The following METTL24 variants were observed in gnomAD, a reference collection of about 807,000 sequenced individuals.
METTL24 encodes the protein methyltransferase like 24.
Under a neutral mutation model 32.7 loss-of-function variants are expected in METTL24, and 29 were observed. That is an observed-to-expected ratio of 0.89 (90% CI 0.66 to 1.21). METTL24 has a LOEUF of 1.21. METTL24 is among the 50% of genes most tolerant of loss of function. The probability of loss-of-function intolerance (pLI) is 0.00; values close to 1 mark genes in which losing one functional copy is unlikely to be tolerated. For synonymous variants in METTL24, 163 were observed against 179.5 expected (o/e 0.91, Z 0.73); for missense variants, 439 against 468.1 (o/e 0.94, Z 0.57).
At chr6:110,277,587 C>G (rs937066649) in intron 4 of METTL24, among the ~76,000 whole-genome samples, 1 of 152,106 alleles carries the variant, frequency 6.6e-6, no homozygotes, top group African/African-American at 2.4e-5. Flanking sequence ...ATGGAAAAGG[C>G]CCTCAAGAAA....
At chr6:110,313,493 C>T (rs1228727108) in intron 3 of METTL24, among the ~76,000 whole-genome samples, 1 of 152,088 alleles carries the variant, frequency 6.6e-6, no homozygotes, top group Admixed American at 6.6e-5. Context: ...AGAAACTTTC[C>T]CCCCAAACAG....
intron 3 of METTL24, among the ~76,000 whole-genome samples, chr6:110,302,580 T>TGTGTATATATACACATATACACACACAC (rs1562230981): frequency 8.5e-6 from 1 of 117,608 alleles, no homozygotes; most frequent in African/African-American, 4.7e-5. Context: ...TACACACACA[T>TGTGTATATATACACATATACACACACAC]ATGTGTATAT....
At chr6:110,285,338 T>C (rs1378815427) in intron 4 of METTL24, among the ~76,000 whole-genome samples, 1 of 152,228 alleles carries the variant, frequency 6.6e-6, no homozygotes, top group African/African-American at 2.4e-5. Flanking sequence ...TGTTTTTAAC[T>C]AAAAACGGGG....
chr6:110,343,691 A>G (rs1398191933), intron 1 of METTL24, among the ~76,000 whole-genome samples: 1 of 152,232 alleles, frequency 6.6e-6, no homozygotes, highest in Non-Finnish European at 1.5e-5. Flanking sequence ...ACAATGGAGC[A>G]GGGGCCTAAG....
intron 1 of METTL24, among the ~76,000 whole-genome samples, chr6:110,349,244 C>T (rs1360773747): frequency 6.6e-6 from 1 of 152,224 alleles, no homozygotes; most frequent in Non-Finnish European, 1.5e-5. Context: ...TGGGACTGAG[C>T]AACTGGCTCT....
intron 4 of METTL24, among the ~76,000 whole-genome samples, chr6:110,263,260 A>G (rs1770784062): frequency 6.6e-6 from 1 of 152,230 alleles, no homozygotes; most frequent in African/African-American, 2.4e-5. Flanking sequence ...CTGATAAGCA[A>G]CTTCAGCAAA....
Position 110,272,014 on chromosome 6 carries a change from GT to G in METTL24, c.787-25755del, listed in dbSNP as rs60100556. ...TTATTATTATTATTTTATTTCAATA[GT>G]TTTTGGGGGTCCAGGTGGTTTTTGG... On this transcript the variant is annotated intron_variant, in intron 4 of 4. Transcript: ENST00000338882. Among the ~76,000 whole-genome samples, 2,975 of 152,092 alleles carry G rather than the reference GT, an allele frequency of 0.02. 305 individuals carry two copies. In the East Asian group the frequency reaches 0.34, roughly 17 times the overall value.
At chr6:110,278,937 G>A (rs1453864074) in intron 4 of METTL24, among the ~76,000 whole-genome samples, 3 of 152,132 alleles carry the variant, frequency 2.0e-5, no homozygotes, top group Admixed American at 6.5e-5. Context: ...TGGGAGGATC[G>A]CTTCAGCCCA....
At chr6:110,297,483 G>A (rs1771440795) in intron 4 of METTL24, among the ~76,000 whole-genome samples, 1 of 152,126 alleles carries the variant, frequency 6.6e-6, no homozygotes, top group Admixed American at 6.5e-5. Context: ...TGGTGCTGGA[G>A]AGGGCTAGGA....
In METTL24 at chr6:110,315,349, A is replaced by G; in HGVS notation, c.550T>C (p.Ser184Pro). ...QIRNKQCRLYSLGLGSDDTHF... is the reference protein window; with the variant it reads ...QIRNKQCRLYPLGLGSDDTHF... The stretch of plus-strand genomic sequence containing the variant: ...GTAAAAAAATGTACTCACCCTAAGG[A>G]GTAGAGGCGGCACTGCTTGTTGCGG... Residue 184 changes from serine (S) to proline (P), a missense_variant, in exon 3 of 5, where the codon TCC becomes CCC. Coordinates refer to ENST00000338882, the MANE Select transcript of METTL24 (RefSeq NM_001123364.3). 6.2e-7 allele frequency: 1 copy of G among 1,614,156 alleles called. No individual in the cohort carries two copies. Among genetic ancestry groups the G allele is most frequent in the Non-Finnish European group, 8.5e-7 (1 of 1,180,026 alleles).
intron 4 of METTL24, among the ~76,000 whole-genome samples, chr6:110,297,362 A>G (rs1771439039): frequency 6.6e-6 from 1 of 152,194 alleles, no homozygotes; most frequent in Non-Finnish European, 1.5e-5. Context: ...TCAAAGTCTT[A>G]TTTTATCCTC....
rs1770798932 is a variant in METTL24 at position 110,263,744 on chromosome 6, A to G, written c.787-17484T>C. Among the ~76,000 whole-genome samples the G allele has an allele frequency of 2.0e-5, 3 of 152,208 alleles. No homozygotes were observed. The South Asian group carries it at 6.2e-4, about 32-fold the overall frequency. On this transcript the variant is annotated intron_variant, in intron 4 of 4. Transcript: ENST00000338882. ...TATACTACAAGGCTACAGTAACCAAAACAGCATGGTACTGGTACCAAAACA... is the reference window on the plus strand; with the variant it reads ...TATACTACAAGGCTACAGTAACCAAGACAGCATGGTACTGGTACCAAAACA...
At position 110,322,842 on chromosome 6, in the gene METTL24, A is replaced by G. The variant is rs762551420; in HGVS notation, c.349T>C (p.Trp117Arg). 1.2e-6 allele frequency: 2 copies of G among 1,613,776 alleles called. No homozygotes were observed. Among genetic ancestry groups the G allele is most frequent in the African/African-American group, 2.7e-5 (2 of 74,926 alleles). ...TCCAGGGACTGAGCAGAGCCTGCCC[A>G]AGGCTGGAGATCTATATGCCACCGG... ...GPRWHIDLQP[W>R]AGSAQSLDEE... Residue 117 changes from tryptophan (W) to arginine (R), a missense_variant, in exon 2 of 5, where the codon TGG becomes CGG. Transcript: ENST00000338882.
intron 4 of METTL24, among the ~76,000 whole-genome samples, chr6:110,261,457 G>T (rs146341274): frequency 0.072 from 10,925 of 152,094 alleles, 580 homozygotes; most frequent in African/African-American, 0.16. Context: ...AGCACCCAGA[G>T]TCATAAAGCA....
intron 4 of METTL24, among the ~76,000 whole-genome samples, chr6:110,274,838 A>T (rs1331519766): frequency 1.6e-5 from 2 of 121,424 alleles, no homozygotes; most frequent in African/African-American, 6.7e-5. Flanking sequence ...CCTCACTGTC[A>T]TCCAGGCCAG....
intron 4 of METTL24, among the ~76,000 whole-genome samples, chr6:110,255,879 C>A (rs1342951096): frequency 6.6e-6 from 1 of 151,956 alleles, no homozygotes; most frequent in East Asian, 1.9e-4. Flanking sequence ...ACTGGGTCAA[C>A]CTCAGAGCAT....
intron 1 of METTL24, among the ~76,000 whole-genome samples, chr6:110,339,254 A>G (rs546847703): frequency 1.8e-4 from 28 of 152,224 alleles, no homozygotes; most frequent in Non-Finnish European, 3.4e-4. Flanking sequence ...TGCAGCTAAC[A>G]GCTTGGTTCA....
intron 4 of METTL24, among the ~76,000 whole-genome samples, chr6:110,263,414 G>A (rs530743984): frequency 2.2e-4 from 33 of 152,238 alleles, no homozygotes; most frequent in African/African-American, 7.9e-4. Context: ...AACTTACAAA[G>A]GATGCGAAGG....
At chr6:110,329,654 T>G (rs1400298269) in intron 1 of METTL24, among the ~76,000 whole-genome samples, 2 of 151,946 alleles carry the variant, frequency 1.3e-5, no homozygotes. Flanking sequence ...GCGAGGGGAG[T>G]GCCGGGTGCA....
Sources: gnomAD v4.1 joint callset for allele counts (sites outside exome capture counted in the v4.1 genomes callset) on GRCh38, gnomAD v4.1.1 for gene constraint, MANE v1.5 for transcripts, NCBI Gene and HGNC (gene_info 2026-07-23, HGNC 2026-07-21) for gene names.